PHF23: variants seen among roughly 807,000 people sequenced by gnomAD.
PHF23 encodes PDH-containing protein JUNE-1.
A neutral mutation model predicts 36.0 loss-of-function variants in PHF23; 3 were observed. The observed-to-expected ratio is 0.08, with a 90% CI of 0.04 to 0.22. The LOEUF (loss-of-function observed/expected upper bound fraction) is 0.22, where lower values mean the gene tolerates loss of function less well. PHF23 is among the 10% of genes least tolerant of loss of function. The pLI is 1.00. For missense variants in PHF23, 475 were observed against 513.6 expected, an observed-to-expected ratio of 0.92 and a Z score of 0.73; for synonymous variants, 242 against 192.5, an observed-to-expected ratio of 1.26 and a Z score of -2.13.
At position 7,236,537 on chromosome 17, in the gene PHF23, C is replaced by T. The variant is rs966621130; in HGVS notation, c.390G>A (p.Lys130=). 1 of 1,614,188 alleles carries T rather than the reference C, an allele frequency of 6.2e-7. No homozygotes were observed. Among genetic ancestry groups the T allele is most frequent in the Non-Finnish European group, 8.5e-7 (1 of 1,180,026 alleles). ...CAAAGAGAGAGTCCTTGAGCTTCATCTTCTCAAGCAAGGTAGCACTGTCGG... is the reference window on the plus strand; with the variant it reads ...CAAAGAGAGAGTCCTTGAGCTTCATTTTCTCAAGCAAGGTAGCACTGTCGG... ...QAPDSATLLE[K]MKLKDSLFDL... is the part of the protein sequence containing the mutation. The change falls in exon 4 of 5, where the codon AAG becomes AAA. Residue 130 remains lysine (K), a synonymous_variant. Transcript: ENST00000320316. This position sits in a 1 kb window ranked among gnomAD's most constrained non-coding sequence, Gnocchi z 5.1.
intron 1 of PHF23, 21 bp from the exon 2 acceptor site, chr17:7,237,681 G>A (rs373476106): frequency 1.7e-5 from 28 of 1,613,396 alleles, no homozygotes; most frequent in Non-Finnish European, 2.3e-5. Flanking sequence ...AATAAAAGCT[G>A]AGTCAAGACA....
At position 7,235,102 on chromosome 17, in the gene PHF23, TAAAAAC is replaced by T. The variant is rs1486738301; in HGVS notation, c.*518_*523del. ...CTGTACAAACAGCGGCCGATATTAT[TAAAAAC>T]AAAAGAGGTGAGTGAGAATCGTCAC... is the stretch of plus-strand genomic sequence containing the variant. On this transcript the variant is annotated 3_prime_UTR_variant, in exon 5 of 5. Transcript: ENST00000320316. The T allele has an allele frequency of 1.2e-5, 2 of 172,792 alleles. No homozygotes were observed. Among genetic ancestry groups the T allele is most frequent in the Admixed American group, 1.1e-4 (2 of 18,406 alleles). 10.7% of individuals were successfully genotyped at this position (172,792 alleles called of 1,614,324 possible).
In PHF23 at chr17:7,236,405, G is replaced by A. The variant is rs1186763715; in HGVS notation, c.522C>T (p.Leu174=). The A allele has an allele frequency of 1.2e-6, 2 of 1,613,944 alleles. No homozygotes were observed. Among genetic ancestry groups the A allele is most frequent in the Non-Finnish European group, 1.7e-6 (2 of 1,180,026 alleles). ...LTPVPLSQGD[L]SHPPRKKDRK... Reference sequence around the variant, plus strand: ...GGTCCTTCTTTCGAGGAGGATGGGAGAGGTCCCCCTGGGAAAGGGGCACGG... The same window carrying A: ...GGTCCTTCTTTCGAGGAGGATGGGAAAGGTCCCCCTGGGAAAGGGGCACGG... Residue 174 remains leucine (L), a synonymous_variant, in exon 4 of 5, where the codon CTC becomes CTT. Transcript: ENST00000320316. The surrounding 1 kb of genome is among the most constrained non-coding windows in gnomAD (Gnocchi z 5.1).
In PHF23 at chr17:7,236,778, G is replaced by A; in HGVS notation, c.160-11C>T. The stretch of plus-strand genomic sequence containing the variant: ...TGGCCAGTCACTTTCCTTAAAAGGG[G>A]GAAGAGACCAGGGTCAGCAGAACCC... On this transcript the variant is annotated splice_polypyrimidine_tract_variant and intron_variant, in intron 3 of 4. Coordinates refer to ENST00000320316, the MANE Select transcript of PHF23 (RefSeq NM_024297.3). This position sits in a 1 kb window ranked among gnomAD's most constrained non-coding sequence, Gnocchi z 5.1. 6.2e-7 allele frequency: 1 copy of A among 1,601,992 alleles called. No individual in the cohort carries two copies. Among genetic ancestry groups the A allele is most frequent in the Non-Finnish European group, 8.5e-7 (1 of 1,174,232 alleles).
chr17:7,239,557 C>A (rs1180026110), upstream of PHF23: 16 of 348,790 alleles, frequency 4.6e-5, no homozygotes, highest in Non-Finnish European at 2.7e-5. Flanking sequence ...TCTCCCTCCT[C>A]CCCCCGCCGG....
At position 7,235,234 on chromosome 17, in the gene PHF23, GAAGAAAATAA is replaced by G; in HGVS notation, c.*382_*391del. 13 of 258,312 alleles carry G rather than the reference GAAGAAAATAA, an allele frequency of 5.0e-5. No homozygotes were observed. The highest frequency in any genetic ancestry group is 2.3e-4 in the South Asian group (5 of 21,514). 16.0% of individuals were successfully genotyped at this position (258,312 alleles called of 1,614,324 possible). On this transcript the variant is annotated 3_prime_UTR_variant, in exon 5 of 5. Coordinates refer to ENST00000320316, the MANE Select transcript of PHF23 (RefSeq NM_024297.3). The stretch of plus-strand genomic sequence containing the variant: ...CAAAATTAAAAATACAACCGGTGTA[GAAGAAAATAA>G]ATGGGGAGTGAAATAGAAGAAAAGA...
In PHF23 at chr17:7,239,273, C is replaced by T. The variant is rs775840530; in HGVS notation, c.7G>A (p.Glu3Lys). MLEAMAEPSPEDP... is the reference protein window; with the variant it reads MLKAMAEPSPEDP... ...TCGGGACTGGGCTCCGCCATGGCTT[C>T]CAGCATCGCCCCCTCCCCTCCTCCC... Residue 3 changes from glutamate (E) to lysine (K), a missense_variant, in exon 1 of 5, where the codon GAA (glutamate) becomes AAA (lysine). Glu to Lys is a moderately conservative substitution (Grantham distance 56). Around this residue, in one of 5 missense-constraint regions of PHF23, gnomAD observed 54 missense variants for 42.0 expected, o/e 1.28. Coordinates refer to ENST00000320316, the MANE Select transcript of PHF23 (RefSeq NM_024297.3). The T allele has an allele frequency of 1.3e-6, 2 of 1,507,798 alleles. No homozygotes were observed. Among genetic ancestry groups the T allele is most frequent in the East Asian group, 4.7e-5 (2 of 42,958 alleles). The allele number at this position is 1,507,798 out of a possible 1,614,324, so 93.4% of individuals were successfully genotyped here.
rs780617501 is a variant in PHF23 at position 7,235,818 on chromosome 17, G to T, written c.1020C>A (p.Ile340=). The part of the protein sequence containing the change: ...VESGDDSWDL[I]TCYCRKPFAG... ...CAAAGGGCTTTCGACAGTAACATGT[G>T]ATCAGATCCCATGAGTCATCACCTG... The change falls in exon 5 of 5, where the codon ATC becomes ATA. Residue 340 remains isoleucine (I), a synonymous_variant. Coordinates refer to ENST00000320316, the MANE Select transcript of PHF23 (RefSeq NM_024297.3). 1 of 1,614,154 alleles carries T rather than the reference G, an allele frequency of 6.2e-7. No homozygotes were observed. The highest frequency in any genetic ancestry group is 8.5e-7 in the Non-Finnish European group (1 of 1,180,036).
rs1264772993 is a variant in PHF23 at position 7,237,613 on chromosome 17, G to A, written c.66+16C>T. On this transcript the variant is annotated intron_variant, in intron 2 of 4. Transcript: ENST00000320316. ...CAGGCAGGGCTACTAGGCTGCAAAGGTAAGGCAAACCTCACCTGAGTCTCT... is the reference window on the plus strand; with the variant it reads ...CAGGCAGGGCTACTAGGCTGCAAAGATAAGGCAAACCTCACCTGAGTCTCT... The A allele has an allele frequency of 7.4e-6, 12 of 1,614,012 alleles. No homozygotes were observed. The highest frequency in any genetic ancestry group is 1.0e-5 in the Non-Finnish European group (12 of 1,179,944).
At position 7,237,634 on chromosome 17, in the gene PHF23, T is replaced by A; in HGVS notation, c.61A>T (p.Thr21Ser). The change falls in exon 2 of 5, where the codon ACT (threonine) becomes TCT (serine). Residue 21 changes from threonine (T) to serine (S), a missense_variant. By Grantham distance (58) the Thr-to-Ser change is moderately conservative (BLOSUM62 1). This residue lies in a region of PHF23 where 54 missense variants were observed against 42.0 expected (regional missense o/e 1.28). Coordinates refer to ENST00000320316, the MANE Select transcript of PHF23 (RefSeq NM_024297.3). The part of the protein sequence containing the change: ...EDPPPTLKPE[T>S]QPPEKRRRTI... ...AAAGGTAAGGCAAACCTCACCTGAG[T>A]CTCTGGCTTAAGGGTCGGAGGTGGA... 1 of 1,613,816 alleles carries A rather than the reference T, an allele frequency of 6.2e-7. No individual in the cohort carries two copies. Among genetic ancestry groups the A allele is most frequent in the Non-Finnish European group, 8.5e-7 (1 of 1,179,908 alleles).
intron 1 of PHF23, 196 bp from the exon 2 acceptor site, chr17:7,237,856 T>G: frequency 1.6e-6 from 1 of 622,820 alleles, no homozygotes; most frequent in South Asian, 2.0e-5. Context: ...CGCGGCGCCC[T>G]CTGAGGCCTC....
At chr17:7,238,074 G>C (rs1182169746) in intron 1 of PHF23, 2 of 189,422 alleles carry the variant, frequency 1.1e-5, no homozygotes, top group African/African-American at 2.7e-5. Flanking sequence ...CCACCGCCTC[G>C]GGCCCTCCGA....
Position 7,236,693 on chromosome 17 carries a change from G to A in PHF23, c.234C>T (p.Asp78=), listed in dbSNP as rs1203395240. The A allele has an allele frequency of 6.2e-7, 1 of 1,613,934 alleles. No individual in the cohort carries two copies. Among genetic ancestry groups the A allele is most frequent in the Non-Finnish European group, 8.5e-7 (1 of 1,180,028 alleles). ...TGGTTCGAAGATCTGAGGGGGCCGA[G>A]TCCCAGCCATCACTGTCGGCCGCAC... ...GESAADSDGW[D]SAPSDLRTIQ... Residue 78 remains aspartate (D), a synonymous_variant, in exon 4 of 5, where the codon GAC becomes GAT. Transcript: ENST00000320316. This position sits in a 1 kb window ranked among gnomAD's most constrained non-coding sequence, Gnocchi z 5.1.
intron 1 of PHF23, 42 bp downstream of exon 1, chr17:7,239,204 G>GC (rs778055735): frequency 2.5e-5 from 34 of 1,365,792 alleles, no homozygotes; most frequent in East Asian, 7.8e-5. Flanking sequence ...TTCCTCGCCC[G>GC]CCCCCCGCCG....
In PHF23 at chr17:7,237,462, G is replaced by C. The variant is rs372556108; in HGVS notation, c.82C>G (p.Arg28Gly). 1 of 1,613,940 alleles carries C rather than the reference G, an allele frequency of 6.2e-7. No homozygotes were observed. The highest frequency in any genetic ancestry group is 8.5e-7 in the Non-Finnish European group (1 of 1,179,934). ...KPETQPPEKRRRTIEDFNKFC... is the reference protein window; with the variant it reads ...KPETQPPEKRGRTIEDFNKFC... Reference sequence around the variant, plus strand: ...TTGTTGAAATCCTCAATTGTTCTCCGCCGTTTCTCTGGTGGCTGAAAGGAA... The same window carrying C: ...TTGTTGAAATCCTCAATTGTTCTCCCCCGTTTCTCTGGTGGCTGAAAGGAA... Residue 28 changes from arginine to glycine, a missense_variant, in exon 3 of 5, where the codon CGG becomes GGG. Arg to Gly is a moderately radical substitution (Grantham distance 125). Around this residue, in one of 5 missense-constraint regions of PHF23, gnomAD observed 54 missense variants for 42.0 expected, o/e 1.28. Coordinates refer to ENST00000320316, the MANE Select transcript of PHF23 (RefSeq NM_024297.3).
intron 3 of PHF23, 98 bp downstream of exon 3, chr17:7,237,287 A>G (rs222852): frequency 0.44 from 467,179 of 1,061,798 alleles, 106,332 homozygotes; most frequent in East Asian, 0.65. Flanking sequence ...ATAATTTCTA[A>G]GGGCCTCCTT....
At chr17:7,239,521 T>C, upstream of PHF23, 2 of 342,416 alleles carry the variant, frequency 5.8e-6, no homozygotes, top group Non-Finnish European at 1.1e-5. Flanking sequence ...CTCCTCCACC[T>C]CCTCTCTCCT....
chr17:7,239,049 C>G lies in PHF23; in HGVS notation c.34+197G>C, dbSNP rs530796107. 57 of 1,309,714 alleles carry G rather than the reference C, an allele frequency of 4.4e-5. No individual in the cohort carries two copies. In the African/African-American group the frequency reaches 8.3e-4, roughly 19 times the overall value. The allele number at this position is 1,309,714 out of a possible 1,614,324, so 81.1% of individuals were successfully genotyped here. A position where few individuals can be genotyped will look rare whatever the true frequency, so the allele number is the denominator to read the frequency against. On this transcript the variant is annotated intron_variant, in intron 1 of 4. Transcript: ENST00000320316. ...CCCGCACCCCCACACCGTCTGATCT[C>G]CAACTACCCCAGCCCAGTTTCCCAC...
Position 7,236,455 on chromosome 17 carries a change from A to T in PHF23, c.472T>A (p.Ser158Thr). 6.2e-7 allele frequency: 1 copy of T among 1,613,486 alleles called. No homozygotes were observed. Among genetic ancestry groups the T allele is most frequent in the African/African-American group, 1.3e-5 (1 of 74,878 alleles). ...PLSPTSLTHT[S>T]RPPAALTPVP... is the part of the protein sequence containing the mutation. ...GGGGTAAGAGCAGCAGGGGGCCGGG[A>T]GGTATGTGTCAGGGATGTGGGGGAC... Residue 158 changes from serine to threonine, a missense_variant, in exon 4 of 5, where the codon TCC (serine) becomes ACC (threonine). By Grantham distance (58) the Ser-to-Thr change is moderately conservative. Around this residue, in one of 5 missense-constraint regions of PHF23, gnomAD observed 350 missense variants for 319.8 expected, o/e 1.09. Transcript: ENST00000320316. This position sits in a 1 kb window ranked among gnomAD's most constrained non-coding sequence, Gnocchi z 5.1.
Sources: allele counts gnomAD v4.1 joint callset, GRCh38; gene constraint gnomAD v4.1.1; regional missense constraint gnomAD v4.1.1; non-coding constraint Gnocchi (gnomAD v3.1); transcripts MANE v1.5; gene names NCBI Gene and HGNC (gene_info 2026-07-23, HGNC 2026-07-21).